The following ZNF710 variants were observed in gnomAD, a reference collection of about 807,000 sequenced individuals.
The protein encoded by ZNF710 is zinc finger protein 710.
ZNF710 carries 13 observed loss-of-function variants against 50.6 expected under a neutral mutation model. The ratio of observed to expected loss-of-function variants is 0.26; its 90% CI spans 0.17 to 0.41. ZNF710 has a LOEUF of 0.41. ZNF710 is among the 10% of genes least tolerant of loss of function. The pLI, the probability that ZNF710 is intolerant of heterozygous loss-of-function variation, is 1.00. For missense variants in ZNF710, 721 were observed against 936.6 expected, an observed-to-expected ratio of 0.77 and a Z score of 3.01; for synonymous variants, 383 against 397.0, an observed-to-expected ratio of 0.96 and a Z score of 0.42.
intron 1 of ZNF710, among the ~76,000 whole-genome samples, chr15:90,013,277 A>G (rs1330200709): frequency 6.6e-6 from 1 of 152,080 alleles, no homozygotes; most frequent in East Asian, 1.9e-4. Flanking sequence ...TAAGTTTTGT[A>G]TTTGTAGTAG....
At chr15:90,010,809 G>A (rs1434439672) in intron 1 of ZNF710, among the ~76,000 whole-genome samples, 1 of 152,008 alleles carries the variant, frequency 6.6e-6, no homozygotes, top group Non-Finnish European at 1.5e-5. Flanking sequence ...GGAGTGTAGT[G>A]GCAGGATCAT....
chr15:90,014,559 T>C (rs932560886), intron 1 of ZNF710, among the ~76,000 whole-genome samples: 1 of 149,350 alleles, frequency 6.7e-6, no homozygotes, highest in Non-Finnish European at 1.5e-5. Flanking sequence ...TATGACCTGG[T>C]TTAACTAGAT....
At chr15:90,077,184 T>C (rs1900610153) in intron 4 of ZNF710, among the ~76,000 whole-genome samples, 1 of 150,154 alleles carries the variant, frequency 6.7e-6, no homozygotes, top group Non-Finnish European at 1.5e-5. Flanking sequence ...ATAGACTTAA[T>C]AAACAAAATG....
intron 1 of ZNF710, chr15:90,026,018 G>A (rs1317413442): frequency 6.6e-6 from 1 of 151,536 alleles, no homozygotes; most frequent in African/African-American, 2.4e-5. Flanking sequence ...AATAAACTAA[G>A]CATTCAGCCT....
intron 1 of ZNF710, among the ~76,000 whole-genome samples, chr15:90,050,462 G>C (rs986653563): frequency 4.6e-5 from 7 of 152,180 alleles, no homozygotes; most frequent in Admixed American, 2.0e-4. Context: ...CTGGGTCTAT[G>C]GGGGAAGGGG....
At chr15:90,073,393 AC>A (rs1900464015) in intron 3 of ZNF710, 131 bp downstream of exon 3, 1 of 1,070,712 alleles carries the variant, frequency 9.3e-7, no homozygotes, top group African/African-American at 1.6e-5. Flanking sequence ...GCTGGGTGAA[AC>A]TTAGCCTGGG....
chr15:90,011,875 G>C (rs566506624), intron 1 of ZNF710, among the ~76,000 whole-genome samples: 7 of 152,150 alleles, frequency 4.6e-5, no homozygotes, highest in Admixed American at 3.9e-4. Flanking sequence ...GTATTTACAA[G>C]CGTCATTCCA....
intron 1 of ZNF710, among the ~76,000 whole-genome samples, chr15:90,035,864 C>G (rs1449467648): frequency 6.6e-6 from 1 of 152,206 alleles, no homozygotes; most frequent in Non-Finnish European, 1.5e-5. Context: ...ATTTAAAGAA[C>G]AGCAGAGCAC....
chr15:90,045,486 T>G, intron 1 of ZNF710: 1 of 842,616 alleles, frequency 1.2e-6, no homozygotes. Context: ...GAGAGATGGT[T>G]TCTCTGAGGG....
intron 4 of ZNF710, chr15:90,074,610 A>G: frequency 1.0e-6 from 1 of 969,226 alleles, no homozygotes; most frequent in Non-Finnish European, 1.4e-6. Flanking sequence ...TGTCATTGTC[A>G]TCGTTTTACA....
In ZNF710 at chr15:90,059,795, G is replaced by A. The variant is rs1162747337; in HGVS notation, c.-28-7315G>A. 2.0e-5 allele frequency among the ~76,000 whole-genome samples: 3 copies of A among 152,310 alleles called. No individual in the cohort carries two copies. The highest frequency in any genetic ancestry group is 6.5e-5 in the Admixed American group (1 of 15,306). ...TAGAGTTTCCCTTGAAGCCTCCTGC[G>A]AGGAGGACAACAGGGGAAACCAAGA... On this transcript the variant is annotated intron_variant, in intron 1 of 4. Transcript: ENST00000268154. This position sits in a 1 kb window ranked among gnomAD's most constrained non-coding sequence, Gnocchi z 4.1.
chr15:90,055,661 C>T (rs1353143007), intron 1 of ZNF710, among the ~76,000 whole-genome samples: 1 of 152,252 alleles, frequency 6.6e-6, no homozygotes, highest in African/African-American at 2.4e-5. Flanking sequence ...GAGCTCAAAA[C>T]ATTTCCTGCA....
Position 90,042,354 on chromosome 15 carries a change from C to T in ZNF710, c.-28-24756C>T, listed in dbSNP as rs115037306. On this transcript the variant is annotated intron_variant, in intron 1 of 4. Transcript: ENST00000268154. ...TCCCTGATCCATTGTGTCTCCCCCCCACCCCCTCCAGGCAGCATTAGGTTG... is the reference window on the plus strand; with the variant it reads ...TCCCTGATCCATTGTGTCTCCCCCCTACCCCCTCCAGGCAGCATTAGGTTG... 8.1e-4 allele frequency among the ~76,000 whole-genome samples: 123 copies of T among 152,068 alleles called. 1 individual carries two copies. The Middle Eastern group carries it at 0.014, about 17-fold the overall frequency.
chr15:90,002,019 C>CGCGGCGGCGGCG (rs755847079), intron 1 of ZNF710, among the ~76,000 whole-genome samples: 1 of 146,702 alleles, frequency 6.8e-6, no homozygotes, highest in East Asian at 2.2e-4. Context: ...AGGAAAGCGT[C>CGCGGCGGCGGCG]GCGGCGGCGG....
intron 1 of ZNF710, among the ~76,000 whole-genome samples, chr15:90,024,133 C>G (rs1212686796): frequency 6.6e-6 from 1 of 152,188 alleles, no homozygotes. Flanking sequence ...TCCTTCCCAC[C>G]CCTTACCTAA....
In ZNF710 at chr15:90,010,407, G is replaced by A. The variant is rs960458831; in HGVS notation, c.-29+8793G>A. Among the ~76,000 whole-genome samples, 4 of 152,164 alleles carry A rather than the reference G, an allele frequency of 2.6e-5. No individual in the cohort carries two copies. In the East Asian group the frequency reaches 5.8e-4, roughly 22 times the overall value. On this transcript the variant is annotated intron_variant, in intron 1 of 4. Transcript: ENST00000268154. ...AGGCTCAAGTGATCCTCCCACCTCC[G>A]CCTCCCAAGTAGCTGGGACCACAGG...
chr15:90,058,753 C>G (rs749345591), intron 1 of ZNF710, among the ~76,000 whole-genome samples: 10 of 147,856 alleles, frequency 6.8e-5, no homozygotes, highest in Non-Finnish European at 1.5e-4. Context: ...ACAGAGAGGT[C>G]TCTTTTAAGG....
intron 1 of ZNF710, among the ~76,000 whole-genome samples, chr15:90,051,929 G>C (rs367700853): frequency 3.3e-5 from 5 of 152,154 alleles, no homozygotes; most frequent in Non-Finnish European, 7.3e-5. Context: ...AGGGTGTACA[G>C]CTCCTAAGTG....
upstream of ZNF710, among the ~76,000 whole-genome samples, chr15:90,000,318 T>G (rs1429632497): frequency 6.6e-6 from 1 of 151,958 alleles, no homozygotes; most frequent in Non-Finnish European, 1.5e-5. Flanking sequence ...CGGCTCGGAG[T>G]GGCGGGTGTT....
Sources: allele counts gnomAD v4.1 joint callset (sites outside exome capture counted in the v4.1 genomes callset), GRCh38; gene constraint gnomAD v4.1.1; non-coding constraint Gnocchi (gnomAD v3.1); transcripts MANE v1.5; gene names NCBI Gene and HGNC (gene_info 2026-07-23, HGNC 2026-07-21).